Variants in CSF3R observed in about 807,000 individuals in gnomAD.
CSF3R encodes the protein granulocyte colony-stimulating factor receptor.
In CSF3R, 52 loss-of-function variants were observed where a neutral mutation model predicts 84.4. That is an observed-to-expected ratio of 0.62 (90% confidence interval 0.49 to 0.78). The LOEUF (loss-of-function observed/expected upper bound fraction) is 0.78. Ranked by LOEUF, CSF3R falls within the 30% of genes least tolerant of loss-of-function variation. The probability of loss-of-function intolerance (pLI) is 0.00; values close to 1 mark genes in which losing one functional copy is unlikely to be tolerated. For synonymous variants in CSF3R, 384 were observed against 429.1 expected (o/e 0.89, Z 1.30); for missense variants, 890 against 1,055.7 (o/e 0.84, Z 2.17).
At chr1:36,473,073 A>T (rs1041046988) in intron 6 of CSF3R, 3 of 385,604 alleles carry the variant, frequency 7.8e-6, no homozygotes, top group African/African-American at 4.2e-5. Context: ...CTTTCTGCTT[A>T]TTGCTATCTG....
chr1:36,480,588 C>T (rs567382852), intron 2 of CSF3R, among the ~76,000 whole-genome samples: 31 of 152,344 alleles, frequency 2.0e-4, no homozygotes, highest in Admixed American at 1.4e-3. Flanking sequence ...AGTTGGTGCT[C>T]TTGGTGGCAG....
Position 36,466,240 on chromosome 1 carries a change from A to G in CSF3R, c.*117T>C. 6.2e-7 allele frequency: 1 copy of G among 1,613,938 alleles called. No homozygotes were observed. Among genetic ancestry groups the G allele is most frequent in the Non-Finnish European group, 8.5e-7 (1 of 1,179,954 alleles). ...AGGAGAGGGAGATGCTGGTGACTGG[A>G]GATGGTGAGAGCCTGGGCTGGGGTA... On this transcript the variant is annotated 3_prime_UTR_variant, in exon 17 of 17. Coordinates refer to ENST00000373106, the MANE Select transcript of CSF3R (RefSeq NM_000760.4). The surrounding 1 kb of genome is among the most constrained non-coding windows in gnomAD (Gnocchi z 4.6).
At chr1:36,478,402 G>T (rs1358153480) in intron 3 of CSF3R, among the ~76,000 whole-genome samples, 1 of 151,868 alleles carries the variant, frequency 6.6e-6, no homozygotes, top group East Asian at 2.0e-4. Flanking sequence ...GGTGGCAGGT[G>T]CCTGTAATCC....
At chr1:36,479,206 T>C in intron 3 of CSF3R, 1 of 609,278 alleles carries the variant, frequency 1.6e-6, no homozygotes, top group Non-Finnish European at 3.0e-6. Flanking sequence ...CTCACTGGCC[T>C]TTTCCAGGAT....
At chr1:36,475,296 C>T (rs148580075) in intron 4 of CSF3R, 81 bp downstream of exon 4, 13 of 1,564,768 alleles carry the variant, frequency 8.3e-6, no homozygotes, top group African/African-American at 2.7e-5. Context: ...CGTGAGCCAA[C>T]GTGCCCGGCT....
chr1:36,479,371 T>G, intron 3 of CSF3R, 62 bp downstream of exon 3: 1 of 1,509,040 alleles, frequency 6.6e-7, no homozygotes, highest in Non-Finnish European at 9.2e-7. Flanking sequence ...GCAAGGAAAT[T>G]CCCAATATCT....
chr1:36,471,973 C>T, intron 9 of CSF3R, 93 bp downstream of exon 9: 1 of 1,299,404 alleles, frequency 7.7e-7, no homozygotes, highest in Non-Finnish European at 1.1e-6. Context: ...CCACGCCTCC[C>T]AGACCTGTTG....
rs373199041 is a variant in CSF3R, at chr1:36,471,649, G to A, written c.1072-3C>T. On this transcript the variant is annotated splice_region_variant and splice_polypyrimidine_tract_variant and intron_variant, in intron 9 of 16. Coordinates refer to ENST00000373106, the MANE Select transcript of CSF3R (RefSeq NM_000760.4). ...CTGTCTTCCTCCAGGGGCACTGGCT[G>A]TGGGGCACAGGAGGAAAAAGAGAAG... The A allele has an allele frequency of 9.9e-6, 16 of 1,613,922 alleles. No homozygotes were observed. Among genetic ancestry groups the A allele is most frequent in the Non-Finnish European group, 1.4e-5 (16 of 1,179,980 alleles).
chr1:36,469,642 C>G lies in CSF3R; in HGVS notation c.1474+10G>C. 1 of 1,613,824 alleles carries G rather than the reference C, an allele frequency of 6.2e-7. No homozygotes were observed. The highest frequency in any genetic ancestry group is 1.7e-5 in the Admixed American group (1 of 60,032). On this transcript the variant is annotated intron_variant, in intron 11 of 16. Coordinates refer to ENST00000373106, the MANE Select transcript of CSF3R (RefSeq NM_000760.4). ...CCCTGGCCCTGCCCAACTTTCCAGG[C>G]CAGCCTCACCCTTCAGCAGAAACCC...
chr1:36,480,866 A>G (rs1651477613), intron 2 of CSF3R, among the ~76,000 whole-genome samples: 1 of 152,182 alleles, frequency 6.6e-6, no homozygotes, highest in South Asian at 2.1e-4. Flanking sequence ...CCTTTGTGCA[A>G]ATCAGAAAGA....
rs765040045 is a variant in CSF3R at position 36,475,515 on chromosome 1, G to A, written c.223C>T (p.Gln75Ter). 6.2e-7 allele frequency: 1 copy of A among 1,614,130 alleles called. No individual in the cohort carries two copies. The highest frequency in any genetic ancestry group is 8.5e-7 in the Non-Finnish European group (1 of 1,179,988). The stretch of plus-strand genomic sequence containing the variant: ...TGGGTCCCATCAGACAGACGCTGCT[G>A]CCTGCCCCCGGGCTGAAGCTCTGCT... Reference protein sequence around the residue: ...LGAELQPGGRQQRLSDGTQES... With the variant: ...LGAELQPGGR Residue 75 changes from glutamine to a stop codon, truncating the protein, a stop_gained, in exon 4 of 17, where the codon CAG becomes TAG. Transcript: ENST00000373106. LOFTEE classifies it high-confidence loss of function.
At chr1:36,476,844 T>A (rs1651186957) in intron 3 of CSF3R, 1 of 151,938 alleles carries the variant, frequency 6.6e-6, no homozygotes, top group African/African-American at 2.4e-5. Context: ...GATTTTTTTT[T>A]TTTTTGGTAG....
chr1:36,471,265 T>C (rs1405979414), intron 10 of CSF3R, among the ~76,000 whole-genome samples, 168 bp downstream of exon 10: 4 of 152,208 alleles, frequency 2.6e-5, no homozygotes, highest in Non-Finnish European at 5.9e-5. Context: ...CAGGCTGGTC[T>C]TGAACTCCTG....
rs774694686 is a variant in CSF3R, at chr1:36,466,058, C to T, written c.*299G>A. 85 of 1,613,684 alleles carry T rather than the reference C, an allele frequency of 5.3e-5. No individual in the cohort carries two copies. The South Asian group carries it at 7.9e-4, about 15-fold the overall frequency. Reference sequence around the variant, plus strand: ...GAGACTCAGGTACACCCAAGAGTGTCTATAAACAACAACAAAAACTGCAAA... The same window carrying T: ...GAGACTCAGGTACACCCAAGAGTGTTTATAAACAACAACAAAAACTGCAAA... On this transcript the variant is annotated 3_prime_UTR_variant, in exon 17 of 17. Transcript: ENST00000373106. This position sits in a 1 kb window ranked among gnomAD's most constrained non-coding sequence, Gnocchi z 4.6.
chr1:36,466,752 G>A lies in CSF3R; in HGVS notation c.2116C>T (p.Pro706Ser). 1 of 1,614,212 alleles carries A rather than the reference G, an allele frequency of 6.2e-7. No individual in the cohort carries two copies. Among genetic ancestry groups the A allele is most frequent in the South Asian group, 1.1e-5 (1 of 91,086 alleles). The change falls in exon 17 of 17, where the codon CCG (proline) becomes TCG (serine). Residue 706 changes from proline to serine, a missense_variant. Pro to Ser is a moderately conservative substitution (Grantham distance 74). Transcript: ENST00000373106. The surrounding 1 kb of genome is among the most constrained non-coding windows in gnomAD (Gnocchi z 4.6). ...CTGTTATGGGACTCCCAGGGCACCG[G>A]CTTCTTTTCATCCTCCTCCAGCACT... ...LTVLEEDEKKPVPWESHNSSE... is the reference protein window; with the variant it reads ...LTVLEEDEKKSVPWESHNSSE...
At chr1:36,480,946 C>T (rs886811041) in intron 2 of CSF3R, among the ~76,000 whole-genome samples, 4 of 152,190 alleles carry the variant, frequency 2.6e-5, no homozygotes, top group Non-Finnish European at 5.9e-5. Context: ...GCCTGGATTT[C>T]GGCTCCAGTT....
At chr1:36,478,009 A>C (rs1224438026) in intron 3 of CSF3R, among the ~76,000 whole-genome samples, 1 of 148,976 alleles carries the variant, frequency 6.7e-6, no homozygotes, top group East Asian at 2.1e-4. Context: ...CCACCCGCCT[A>C]GGCCTCCCAA....
chr1:36,471,397 G>C, intron 10 of CSF3R, 36 bp downstream of exon 10: 2 of 1,588,282 alleles, frequency 1.3e-6, no homozygotes, highest in South Asian at 2.2e-5. Context: ...TGATGCGCTT[G>C]ACCTCTGTGC....
In CSF3R at chr1:36,467,561, G is replaced by T; in HGVS notation, c.1955C>A (p.Pro652His). 1 of 1,613,974 alleles carries T rather than the reference G, an allele frequency of 6.2e-7. No homozygotes were observed. The highest frequency in any genetic ancestry group is 1.1e-5 in the South Asian group (1 of 91,070). The change falls in exon 15 of 17, where the codon CCC becomes CAC. Residue 652 changes from proline to histidine, a missense_variant. Pro to His is a moderately conservative substitution (Grantham distance 77). Coordinates refer to ENST00000373106, the MANE Select transcript of CSF3R (RefSeq NM_000760.4). The surrounding 1 kb of genome is among the most constrained non-coding windows in gnomAD (Gnocchi z 4.1). ...LCGTAWLCCS[P>H]NRKNPLWPSV... ...CAGGTCTCTCAAAGGGACTCACTTG[G>T]GGCTGCAACAGAGCCAGGCAGTTCC...
Sources: allele counts gnomAD v4.1 joint callset (sites outside exome capture counted in the v4.1 genomes callset), GRCh38; gene constraint gnomAD v4.1.1; non-coding constraint Gnocchi (gnomAD v3.1); transcripts MANE v1.5; gene names NCBI Gene and HGNC (gene_info 2026-07-23, HGNC 2026-07-21).